CHD6: variants seen among roughly 807,000 people sequenced by gnomAD.
CHD6 encodes the protein ATP-dependent chromatin remodeler CHD6.
CHD6 carries 50 observed loss-of-function variants against 276.9 expected under a neutral mutation model. The ratio of observed to expected loss-of-function variants is 0.18; its 90% confidence interval spans 0.14 to 0.23. The LOEUF (loss-of-function observed/expected upper bound fraction) is 0.23, where lower values mean the gene tolerates loss of function less well. Among genes scored for constraint, CHD6 ranks in the 10% least tolerant of loss-of-function variants. CHD6 has a pLI of 1.00. For missense variants in CHD6, 2,564 were observed against 3,365.8 expected, an observed-to-expected ratio of 0.76 and a Z score of 5.89; for synonymous variants, 1,173 against 1,229.3, an observed-to-expected ratio of 0.95 and a Z score of 0.96.
At chr20:41,555,105 G>T (rs1363888447) in intron 1 of CHD6, among the ~76,000 whole-genome samples, 1 of 143,016 alleles carries the variant, frequency 7.0e-6, no homozygotes, top group Non-Finnish European at 1.5e-5. Context: ...GCCGGGCGGG[G>T]GGCTGACCCC....
chr20:41,452,674 C>T lies in CHD6; in HGVS notation c.3323+66G>A. ...CTGGAGAGACATCCTAGACAAATCT[C>T]AGGGACTGAAAAACAGAGGGGAACA... On this transcript the variant is annotated intron_variant, in intron 21 of 36. Coordinates refer to ENST00000373233, the MANE Select transcript of CHD6 (RefSeq NM_032221.5). This position sits in a 1 kb window ranked among gnomAD's most constrained non-coding sequence, Gnocchi z 4.2. The T allele has an allele frequency of 7.0e-7, 1 of 1,422,418 alleles. No homozygotes were observed. The highest frequency in any genetic ancestry group is 9.8e-7 in the Non-Finnish European group (1 of 1,022,294). 88.1% of individuals were successfully genotyped at this position (1,422,418 alleles called of 1,614,324 possible). A position where few individuals can be genotyped will look rare whatever the true frequency, so the allele number is the denominator to read the frequency against.
At chr20:41,406,012 T>G (rs1446794101) in intron 36 of CHD6, among the ~76,000 whole-genome samples, 1 of 152,198 alleles carries the variant, frequency 6.6e-6, no homozygotes, top group Admixed American at 6.5e-5. Context: ...AGTTAGCCTC[T>G]GAGTTTAAGT....
chr20:41,593,373 C>A (rs1327404963), intron 1 of CHD6, among the ~76,000 whole-genome samples: 1 of 152,142 alleles, frequency 6.6e-6, no homozygotes, highest in African/African-American at 2.4e-5. Flanking sequence ...TGAGAACACA[C>A]AAGGAGTTAA....
At chr20:41,511,606 A>G (rs1740452839) in intron 5 of CHD6, among the ~76,000 whole-genome samples, 1 of 151,804 alleles carries the variant, frequency 6.6e-6, no homozygotes, top group African/African-American at 2.4e-5. Flanking sequence ...AAAACTAAAA[A>G]CCTTAGGTGA....
intron 1 of CHD6, chr20:41,614,813 G>A (rs994323670): frequency 5.9e-5 from 9 of 152,156 alleles, no homozygotes; most frequent in Non-Finnish European, 8.8e-5. Flanking sequence ...AAGTGACTGC[G>A]TTCTCCCTCT....
rs539234574 is a variant in CHD6 at position 41,615,933 on chromosome 20, C to T, written c.-24+2407G>A. On this transcript the variant is annotated intron_variant, in intron 1 of 36. Transcript: ENST00000373233. ...TTTTATAAACCAAGGAGCTCTCCAACACATAGTAGCCCAAGGGCCGCCTGT... is the reference window on the plus strand; with the variant it reads ...TTTTATAAACCAAGGAGCTCTCCAATACATAGTAGCCCAAGGGCCGCCTGT... Among the ~76,000 whole-genome samples the T allele has an allele frequency of 2.6e-5, 4 of 152,354 alleles. No homozygotes were observed. The South Asian group carries it at 8.3e-4, about 32-fold the overall frequency.
intron 24 of CHD6, 46 bp downstream of exon 24, chr20:41,447,836 T>C: frequency 7.1e-7 from 1 of 1,413,132 alleles, no homozygotes; most frequent in Non-Finnish European, 9.9e-7. Flanking sequence ...ATAGGCATTT[T>C]ATGTCAATTC....
Position 41,403,018 on chromosome 20 carries a change from A to T in CHD6, c.*1575T>A. The T allele has an allele frequency of 4.7e-6, 1 of 212,210 alleles. No homozygotes were observed. 13.1% of individuals were successfully genotyped at this position (212,210 alleles called of 1,614,324 possible). A position where few individuals can be genotyped will look rare whatever the true frequency, so the allele number is the denominator to read the frequency against. ...ATTTTTTTCAGTCATGATTTAACAG[A>T]CTTCTTTGAGATGCTCATTTTAACA... On this transcript the variant is annotated 3_prime_UTR_variant, in exon 37 of 37. Transcript: ENST00000373233.
chr20:41,598,901 G>T (rs937191582), intron 1 of CHD6, among the ~76,000 whole-genome samples: 4 of 152,124 alleles, frequency 2.6e-5, no homozygotes, highest in Non-Finnish European at 5.9e-5. Context: ...ATCCCACCCT[G>T]GCATTTCGTC....
At chr20:41,578,075 T>C (rs2045493462) in intron 1 of CHD6, among the ~76,000 whole-genome samples, 1 of 152,230 alleles carries the variant, frequency 6.6e-6, no homozygotes, top group African/African-American at 2.4e-5. Context: ...AAATGACCTA[T>C]ATGGATTTCA....
intron 36 of CHD6, among the ~76,000 whole-genome samples, chr20:41,406,102 G>A (rs549690602): frequency 6.6e-6 from 1 of 152,278 alleles, no homozygotes; most frequent in South Asian, 2.1e-4. Context: ...AGGAAGCAGT[G>A]CTTGCTAATG....
intron 1 of CHD6, among the ~76,000 whole-genome samples, chr20:41,589,019 A>G (rs546687446): frequency 9.8e-5 from 15 of 152,290 alleles, no homozygotes; most frequent in African/African-American, 3.1e-4. Context: ...CTTATCCACC[A>G]TGATCAAGTG....
chr20:41,463,859 A>C (rs1286371367), intron 17 of CHD6, among the ~76,000 whole-genome samples: 1 of 152,224 alleles, frequency 6.6e-6, no homozygotes, highest in African/African-American at 2.4e-5. Context: ...CTGAGAACTG[A>C]ACTGTGAATA....
rs1600891745 is a variant in CHD6, at chr20:41,451,770, A to T, written c.3523+56T>A. On this transcript the variant is annotated intron_variant, in intron 22 of 36. Coordinates refer to ENST00000373233, the MANE Select transcript of CHD6 (RefSeq NM_032221.5). ...CAGCAATACGGCCCCGCAGAGGAAG[A>T]GGGGATGAAGTGCATGGGAATCGTG... 2.8e-6 allele frequency: 4 copies of T among 1,443,704 alleles called. No individual in the cohort carries two copies. The East Asian group carries it at 9.1e-5, about 33-fold the overall frequency. 89.4% of individuals were successfully genotyped at this position (1,443,704 alleles called of 1,614,324 possible).
At chr20:41,435,565 C>T (rs560468030) in intron 27 of CHD6, among the ~76,000 whole-genome samples, 2 of 149,728 alleles carry the variant, frequency 1.3e-5, no homozygotes, top group African/African-American at 4.9e-5. Context: ...GATTGCATCA[C>T]CACACTCCAG....
At chr20:41,543,399 C>T (rs1014296567) in intron 2 of CHD6, among the ~76,000 whole-genome samples, 5 of 152,148 alleles carry the variant, frequency 3.3e-5, no homozygotes, top group African/African-American at 1.2e-4. Context: ...AAATAAGAAT[C>T]AGCAAGAACC....
Position 41,483,380 on chromosome 20 carries a change from G to A in CHD6, c.2397C>T (p.Gly799=), listed in dbSNP as rs1284738337. The A allele has an allele frequency of 6.2e-7, 1 of 1,613,810 alleles. No homozygotes were observed. The highest frequency in any genetic ancestry group is 1.7e-5 in the Admixed American group (1 of 59,976). The change falls in exon 16 of 37, where the codon GGC becomes GGT. Residue 799 remains glycine (G), a synonymous_variant. Coordinates refer to ENST00000373233, the MANE Select transcript of CHD6 (RefSeq NM_032221.5). ...DKLLPKLIAG[G]HKVLIFSQMV... is the part of the protein sequence containing the mutation. ...TCTGGGAGAAGATGAGTACTTTGTG[G>A]CCACCTGCAATCAGCTTAGGGAGTA...
chr20:41,526,510 C>T (rs1428996682), intron 3 of CHD6, among the ~76,000 whole-genome samples: 5 of 152,192 alleles, frequency 3.3e-5, no homozygotes, highest in African/African-American at 1.2e-4. Flanking sequence ...TCCTGCACCA[C>T]ACAGTTATCA....
At chr20:41,412,831 A>G (rs938446495) in intron 35 of CHD6, among the ~76,000 whole-genome samples, 7 of 152,224 alleles carry the variant, frequency 4.6e-5, no homozygotes, top group African/African-American at 1.7e-4. Context: ...CGATGACTTG[A>G]AGGGAATGTC....
Sources: allele counts gnomAD v4.1 joint callset (sites outside exome capture counted in the v4.1 genomes callset), GRCh38; gene constraint gnomAD v4.1.1; non-coding constraint Gnocchi (gnomAD v3.1); transcripts MANE v1.5; gene names NCBI Gene and HGNC (gene_info 2026-07-23, HGNC 2026-07-21).